LZIC: variants seen among roughly 807,000 people sequenced by gnomAD.
The protein encoded by LZIC is leucine zipper and CTNNBIP1 domain containing.
In LZIC, 28 loss-of-function variants were observed where a neutral mutation model predicts 25.4. That is an observed-to-expected ratio of 1.10 (90% CI 0.82 to 1.51). The LOEUF is 1.51. LZIC is among the 40% of genes most tolerant of loss of function. The pLI is 0.00. For synonymous variants in LZIC, 65 were observed against 70.7 expected (o/e 0.92, Z 0.40); for missense variants, 170 against 211.1 (o/e 0.81, Z 1.21).
At chr1:9,934,884 C>T (rs1195482420) in intron 4 of LZIC, 24 bp from the exon 5 acceptor site, 1 of 1,550,220 alleles carries the variant, frequency 6.5e-7, no homozygotes, top group Non-Finnish European at 8.9e-7. Flanking sequence ...AAGGCAAAAA[C>T]TAACCAAAAT....
Position 9,929,001 on chromosome 1 carries a change from T to C in LZIC, c.*1398A>G, listed in dbSNP as rs1437400076. The C allele has an allele frequency of 6.6e-6, 1 of 151,974 alleles. No individual in the cohort carries two copies. Among genetic ancestry groups the C allele is most frequent in the Non-Finnish European group, 1.5e-5 (1 of 68,036 alleles). The allele number at this position is 151,974 out of a possible 1,614,324, so 9.4% of individuals were successfully genotyped here. Reference sequence around the variant, plus strand: ...TAAATCCACAGAGACAGGGTGCAGATTAGTGGCTATTGTTAGCAGTCGGAG... The same window carrying C: ...TAAATCCACAGAGACAGGGTGCAGACTAGTGGCTATTGTTAGCAGTCGGAG... On this transcript the variant is annotated 3_prime_UTR_variant, in exon 8 of 8. Coordinates refer to ENST00000377223, the MANE Select transcript of LZIC (RefSeq NM_032368.5).
At chr1:9,938,657 T>C (rs572385633) in intron 2 of LZIC, among the ~76,000 whole-genome samples, 1 of 152,268 alleles carries the variant, frequency 6.6e-6, no homozygotes, top group Non-Finnish European at 1.5e-5. Context: ...GATCAAGCAA[T>C]GAAGCCTTTG....
rs536953896 is a variant in LZIC, at chr1:9,930,156, G to A, written c.*243C>T. 8.2e-5 allele frequency: 103 copies of A among 1,257,260 alleles called. No individual in the cohort carries two copies. In the African/African-American group the frequency reaches 1.1e-3, roughly 14 times the overall value. The allele number at this position is 1,257,260 out of a possible 1,614,324, so 77.9% of individuals were successfully genotyped here. ...CTCTCTTAAACAGACAAATCATAAC[G>A]AACAGAGTCCAGTGAGTCCCTCTGT... On this transcript the variant is annotated 3_prime_UTR_variant, in exon 8 of 8. Transcript: ENST00000377223.
At chr1:9,943,017 T>C (rs1640837219) in intron 1 of LZIC, 3 of 326,006 alleles carry the variant, frequency 9.2e-6, no homozygotes, top group Admixed American at 3.8e-5. Flanking sequence ...ACCCAGAGGC[T>C]TGGAAAAGGT....
At chr1:9,935,346 T>C in intron 4 of LZIC, 146 bp downstream of exon 4, 2 of 725,708 alleles carry the variant, frequency 2.8e-6, no homozygotes, top group South Asian at 2.0e-5. Flanking sequence ...GAGAATCGCT[T>C]GAACCTGGGA....
chr1:9,929,595 C>CAACGCAGGCGGCTAA lies in LZIC; in HGVS notation c.*789_*803dup. On this transcript the variant is annotated 3_prime_UTR_variant, in exon 8 of 8. Transcript: ENST00000377223. ...ATTTCCTGTTGCTTCCCTGGTCAAA[C>CAACGCAGGCGGCTAA]AACGCAGGCGGCTAAGTCACTTTAG... is the stretch of plus-strand genomic sequence containing the variant. The CAACGCAGGCGGCTAA allele has an allele frequency of 1.0e-6, 1 of 985,410 alleles. No homozygotes were observed. Among genetic ancestry groups the CAACGCAGGCGGCTAA allele is most frequent in the Non-Finnish European group, 1.2e-6 (1 of 829,944 alleles). The allele number at this position is 985,410 out of a possible 1,614,324, so 61.0% of individuals were successfully genotyped here.
Position 9,927,941 on chromosome 1 carries a change from G to A in LZIC, c.*2458C>T, listed in dbSNP as rs1640045019. 6.6e-6 allele frequency among the ~76,000 whole-genome samples: 1 copy of A among 151,922 alleles called. No homozygotes were observed. Among genetic ancestry groups the A allele is most frequent in the Non-Finnish European group, 1.5e-5 (1 of 67,984 alleles). On this transcript the variant is annotated 3_prime_UTR_variant, in exon 8 of 8. Coordinates refer to ENST00000377223, the MANE Select transcript of LZIC (RefSeq NM_032368.5). ...GCCCGCCTTGGCCTCCTGAAGTGCT[G>A]GGATTACAGGTGTGAGCCACTGTGC...
In LZIC at chr1:9,938,637, G is replaced by C. The variant is rs560773691; in HGVS notation, c.-8-2010C>G. On this transcript the variant is annotated intron_variant, in intron 2 of 7. Transcript: ENST00000377223. The stretch of plus-strand genomic sequence containing the variant: ...GCATGATCATGGCTCATGCAGCTTT[G>C]ACCTCCTAAGATCAAGCAATGAAGC... Among the ~76,000 whole-genome samples, 12 of 151,998 alleles carry C rather than the reference G, an allele frequency of 7.9e-5. No individual in the cohort carries two copies. In the South Asian group the frequency reaches 2.5e-3, roughly 32 times the overall value.
chr1:9,939,373 C>CTTT (rs371491173), intron 2 of LZIC, among the ~76,000 whole-genome samples: 18 of 133,426 alleles, frequency 1.3e-4, no homozygotes, highest in Non-Finnish European at 1.2e-4. Flanking sequence ...TTTTTTTTTT[C>CTTT]TTTTTTTTTT....
At chr1:9,939,360 CT>C (rs71583828) in intron 2 of LZIC, among the ~76,000 whole-genome samples, 3 of 80,558 alleles carry the variant, frequency 3.7e-5, no homozygotes, top group African/African-American at 1.2e-4. Context: ...CCCCACTTGG[CT>C]TTTTTTTTTT....
chr1:9,940,413 T>C (rs1025606197), intron 2 of LZIC, among the ~76,000 whole-genome samples: 2 of 152,046 alleles, frequency 1.3e-5, no homozygotes, highest in African/African-American at 4.8e-5. Flanking sequence ...TCTCCTGACC[T>C]CGTGATCCGC....
chr1:9,938,577 G>A (rs938049175), intron 2 of LZIC, among the ~76,000 whole-genome samples: 7 of 152,200 alleles, frequency 4.6e-5, no homozygotes, highest in African/African-American at 1.7e-4. Flanking sequence ...TTTTGAGACA[G>A]GGTCTTGCTC....
At chr1:9,924,063 T>G (rs1570617281), downstream of LZIC, among the ~76,000 whole-genome samples, 1 of 152,242 alleles carries the variant, frequency 6.6e-6, no homozygotes, top group East Asian at 1.9e-4. Flanking sequence ...ATTTTTTGTA[T>G]TTTTAGTAGA....
downstream of LZIC, among the ~76,000 whole-genome samples, chr1:9,924,214 T>A (rs1639926395): frequency 2.0e-5 from 3 of 152,340 alleles, no homozygotes; most frequent in South Asian, 6.2e-4. Flanking sequence ...TTGGGTCAAC[T>A]TAAAACACAA....
chr1:9,925,514 G>A (rs899336724), downstream of LZIC, among the ~76,000 whole-genome samples: 12 of 152,150 alleles, frequency 7.9e-5, no homozygotes, highest in African/African-American at 2.9e-4. Context: ...AAATAACCAA[G>A]CATTTAGGAA....
chr1:9,938,707 GT>G (rs543637346), intron 2 of LZIC, among the ~76,000 whole-genome samples: 1 of 152,048 alleles, frequency 6.6e-6, no homozygotes, highest in Non-Finnish European at 1.5e-5. Flanking sequence ...TAAATTTTAT[GT>G]TTTTTTGTCA....
At chr1:9,939,373 CTT>C (rs371491173) in intron 2 of LZIC, among the ~76,000 whole-genome samples, 1 of 133,414 alleles carries the variant, frequency 7.5e-6, no homozygotes, top group Non-Finnish European at 1.6e-5. Context: ...TTTTTTTTTT[CTT>C]TTTTTTTTGA....
chr1:9,942,474 T>C, intron 2 of LZIC, 150 bp downstream of exon 2: 1 of 316,560 alleles, frequency 3.2e-6, no homozygotes, highest in Admixed American at 3.9e-5. Context: ...CTTAACCTGG[T>C]ACTACATTAG....
At chr1:9,924,996 G>A (rs1639946355), downstream of LZIC, among the ~76,000 whole-genome samples, 1 of 151,994 alleles carries the variant, frequency 6.6e-6, no homozygotes, top group Admixed American at 6.6e-5. Flanking sequence ...CAGAGGATCT[G>A]TGGCTGATGT....
Sources: allele counts gnomAD v4.1 joint callset (sites outside exome capture counted in the v4.1 genomes callset), GRCh38; gene constraint gnomAD v4.1.1; transcripts MANE v1.5; gene names NCBI Gene and HGNC (gene_info 2026-07-23, HGNC 2026-07-21).